The following FAM135B variants were observed in gnomAD, a reference collection of about 807,000 sequenced individuals.
The protein encoded by FAM135B is family with sequence similarity 135 member B, also known as protein FAM135B.
A neutral mutation model predicts 127.7 loss-of-function variants in FAM135B; 43 were observed. That is an observed-to-expected ratio of 0.34 (90% CI 0.26 to 0.43). The LOEUF is 0.43. FAM135B is among the 20% of genes least tolerant of loss of function. FAM135B has a pLI of 1.00. For synonymous variants in FAM135B, 670 were observed against 665.1 expected, an observed-to-expected ratio of 1.01 and a Z score of -0.11; for missense variants, 1,558 against 1,725.6, an observed-to-expected ratio of 0.90 and a Z score of 1.72.
intron 13 of FAM135B, among the ~76,000 whole-genome samples, chr8:138,149,385 G>C (rs183512303): frequency 2.6e-5 from 4 of 152,104 alleles, no homozygotes; most frequent in African/African-American, 9.6e-5. Context: ...TGCTTCTCTA[G>C]CACCACTCCT....
intron 1 of FAM135B, among the ~76,000 whole-genome samples, chr8:138,434,105 A>G (rs1328016233): frequency 6.6e-6 from 1 of 152,218 alleles, no homozygotes; most frequent in African/African-American, 2.4e-5. Context: ...CTTTAGTCAC[A>G]AGGACAAAAT....
chr8:138,283,836 C>A (rs1761810765), intron 3 of FAM135B, among the ~76,000 whole-genome samples: 1 of 151,904 alleles, frequency 6.6e-6, no homozygotes, highest in African/African-American at 2.4e-5. Flanking sequence ...GAAGAGATGC[C>A]TGAACTGAGA....
chr8:138,251,333 G>A (rs1193700685), intron 5 of FAM135B, among the ~76,000 whole-genome samples: 1 of 152,112 alleles, frequency 6.6e-6, no homozygotes, highest in Non-Finnish European at 1.5e-5. Flanking sequence ...CTTCAACATT[G>A]AAGCCTCCTA....
intron 7 of FAM135B, among the ~76,000 whole-genome samples, chr8:138,213,313 G>A (rs909276905): frequency 6.8e-6 from 1 of 147,660 alleles, no homozygotes; most frequent in Non-Finnish European, 1.5e-5. Context: ...TAGTAGCCAC[G>A]GTGAATTAAG....
chr8:138,440,960 C>G (rs540575803), intron 1 of FAM135B: 1 of 152,268 alleles, frequency 6.6e-6, no homozygotes, highest in Admixed American at 6.5e-5. Flanking sequence ...AAAGCCTACA[C>G]TAGAATACTA....
chr8:138,250,742 T>C (rs1283438762), intron 6 of FAM135B, 99 bp downstream of exon 6: 1 of 1,331,628 alleles, frequency 7.5e-7, no homozygotes, highest in African/African-American at 1.4e-5. Flanking sequence ...AGAAACTCCC[T>C]TGCGTGTGCT....
chr8:138,267,158 C>T (rs1276587011), intron 3 of FAM135B, among the ~76,000 whole-genome samples: 1 of 152,130 alleles, frequency 6.6e-6, no homozygotes, highest in Non-Finnish European at 1.5e-5. Flanking sequence ...GTAGAGTTCT[C>T]ATATATGGGA....
chr8:138,482,934 A>C (rs950924103), intron 1 of FAM135B, among the ~76,000 whole-genome samples: 4 of 152,116 alleles, frequency 2.6e-5, no homozygotes, highest in Non-Finnish European at 5.9e-5. Context: ...GCACCCATCC[A>C]TCCATCTACC....
rs1045617521 is a variant in FAM135B at position 138,490,723 on chromosome 8, T to C, written c.-20+5948A>G. The stretch of plus-strand genomic sequence containing the variant: ...TCACTCTCCTTGCCCATCTTCCCCA[T>C]AATAACTGAAAACTAAAGACTGTAA... On this transcript the variant is annotated intron_variant, in intron 1 of 19. Coordinates refer to ENST00000395297, the MANE Select transcript of FAM135B (RefSeq NM_015912.4). 5.3e-5 allele frequency among the ~76,000 whole-genome samples: 8 copies of C among 152,156 alleles called. No homozygotes were observed. The South Asian group carries it at 1.7e-3, about 32-fold the overall frequency.
chr8:138,452,400 C>T (rs758418334), intron 1 of FAM135B, among the ~76,000 whole-genome samples: 1 of 152,016 alleles, frequency 6.6e-6, no homozygotes, highest in Non-Finnish European at 1.5e-5. Context: ...GGATTACAGG[C>T]ATGAGCCACC....
At chr8:138,302,843 G>A (rs1296970248) in intron 3 of FAM135B, among the ~76,000 whole-genome samples, 1 of 152,178 alleles carries the variant, frequency 6.6e-6, no homozygotes, top group African/African-American at 2.4e-5. Flanking sequence ...ACAGCAAACT[G>A]TCAAAAGTAG....
intron 2 of FAM135B, among the ~76,000 whole-genome samples, chr8:138,332,786 T>C (rs1241817511): frequency 6.6e-6 from 1 of 152,114 alleles, no homozygotes; most frequent in Non-Finnish European, 1.5e-5. Flanking sequence ...GAAATGAAAG[T>C]TGTTGAGTTA....
chr8:138,480,321 T>G (rs553456856), intron 1 of FAM135B, among the ~76,000 whole-genome samples: 16 of 152,284 alleles, frequency 1.1e-4, no homozygotes, highest in African/African-American at 3.8e-4. Flanking sequence ...TCAAAGTTAG[T>G]TATTTTGATC....
At chr8:138,205,423 A>T (rs892107143) in intron 7 of FAM135B, among the ~76,000 whole-genome samples, 2 of 152,180 alleles carry the variant, frequency 1.3e-5, no homozygotes, top group African/African-American at 4.8e-5. Context: ...CACATCCAGG[A>T]AACAGTCGAG....
intron 17 of FAM135B, among the ~76,000 whole-genome samples, chr8:138,139,745 G>A (rs750130792): frequency 2.0e-5 from 3 of 152,120 alleles, no homozygotes; most frequent in Non-Finnish European, 2.9e-5. Context: ...CAGCCTGGGC[G>A]ACAAAAGCAA....
chr8:138,174,550 C>A (rs922280742), intron 11 of FAM135B, among the ~76,000 whole-genome samples: 2 of 152,190 alleles, frequency 1.3e-5, no homozygotes, highest in Non-Finnish European at 2.9e-5. Flanking sequence ...TCTTCTTATT[C>A]TTGATGACCT....
At position 138,240,053 on chromosome 8, in the gene FAM135B, C is replaced by T. The variant is rs544218321; in HGVS notation, c.669+2889G>A. Among the ~76,000 whole-genome samples the T allele has an allele frequency of 1.4e-4, 21 of 151,950 alleles. No homozygotes were observed. In the Middle Eastern group the frequency reaches 0.014, roughly 98 times the overall value. ...TAGGAGATATACCTAGTGTAAATGA[C>T]GAATTAATGGGTGTAGCACACCAAC... is the stretch of plus-strand genomic sequence containing the variant. On this transcript the variant is annotated intron_variant, in intron 7 of 19. Coordinates refer to ENST00000395297, the MANE Select transcript of FAM135B (RefSeq NM_015912.4).
intron 2 of FAM135B, among the ~76,000 whole-genome samples, chr8:138,333,058 A>G (rs34602546): frequency 0.023 from 3,557 of 152,144 alleles, 51 homozygotes; most frequent in Non-Finnish European, 0.035. Flanking sequence ...AATATTTGGG[A>G]AAAAAATCAC....
intron 4 of FAM135B, among the ~76,000 whole-genome samples, chr8:138,262,249 C>T (rs939794633): frequency 2.6e-5 from 4 of 152,130 alleles, no homozygotes; most frequent in South Asian, 2.1e-4. Flanking sequence ...AATTCTCTGA[C>T]GGAATTAAGA....
Sources: gnomAD v4.1 joint callset for allele counts (sites outside exome capture counted in the v4.1 genomes callset) on GRCh38, gnomAD v4.1.1 for gene constraint, MANE v1.5 for transcripts, NCBI Gene and HGNC (gene_info 2026-07-23, HGNC 2026-07-21) for gene names.